Variants in MDGA2 observed in about 807,000 individuals in gnomAD.
The protein encoded by MDGA2 is MAM domain containing glycosylphosphatidylinositol anchor 2, also known as MAM domain-containing glycosylphosphatidylinositol anchor protein 2.
In MDGA2, 40 loss-of-function variants were observed where a neutral mutation model predicts 117.8. The ratio of observed to expected loss-of-function variants is 0.34; its 90% confidence interval spans 0.26 to 0.44. The LOEUF is 0.44. MDGA2 is among the 20% of genes least tolerant of loss of function. The probability of loss-of-function intolerance (pLI) is 1.00; values close to 1 mark genes in which losing one functional copy is unlikely to be tolerated. For synonymous variants in MDGA2, 452 were observed against 439.0 expected (o/e 1.03, Z -0.37); for missense variants, 1,123 against 1,250.6 (o/e 0.90, Z 1.54).
At chr14:47,484,029 G>A (rs893785791) in intron 1 of MDGA2, among the ~76,000 whole-genome samples, 4 of 152,024 alleles carry the variant, frequency 2.6e-5, no homozygotes, top group African/African-American at 9.7e-5. Flanking sequence ...AATAAGTTTT[G>A]TCTAATTAAT....
Position 47,604,313 on chromosome 14 carries a change from GTTTTTA to G in MDGA2, c.280+70198_280+70203del, listed in dbSNP as rs768186421. 3.4e-4 allele frequency among the ~76,000 whole-genome samples: 51 copies of G among 151,618 alleles called. 2 individuals are homozygous for G. The East Asian group carries it at 4.7e-3, about 14-fold the overall frequency. On this transcript the variant is annotated intron_variant, in intron 1 of 16. Coordinates refer to ENST00000399232, the MANE Select transcript of MDGA2 (RefSeq NM_001113498.3). ...ATCCCATGTTTATTATTTTTCTTTA[GTTTTTA>G]TTTTTATTTTTTTAAGAGATGGGGT...
chr14:47,355,332 G>T (rs1413696967), intron 1 of MDGA2, among the ~76,000 whole-genome samples: 1 of 152,150 alleles, frequency 6.6e-6, no homozygotes, highest in Non-Finnish European at 1.5e-5. Flanking sequence ...AACGCTGGAA[G>T]ATCTTTGGGT....
intron 3 of MDGA2, among the ~76,000 whole-genome samples, chr14:47,163,635 T>A (rs978814594): frequency 3.1e-4 from 47 of 152,170 alleles, no homozygotes; most frequent in African/African-American, 1.1e-3. Flanking sequence ...TTTTGTAAAT[T>A]GCCCTGTCTC....
intron 5 of MDGA2, among the ~76,000 whole-genome samples, chr14:47,124,080 C>A (rs1451217224): frequency 6.6e-6 from 1 of 151,914 alleles, no homozygotes; most frequent in Admixed American, 6.6e-5. Context: ...GTTCAGATAA[C>A]CTGGATTATT....
At chr14:47,201,470 T>A (rs934477936) in intron 3 of MDGA2, among the ~76,000 whole-genome samples, 16 of 152,172 alleles carry the variant, frequency 1.1e-4, no homozygotes, top group Non-Finnish European at 1.5e-4. Context: ...TCTTGCCTGG[T>A]GCACCTACTC....
At chr14:46,942,310 C>T (rs1885027497) in intron 9 of MDGA2, among the ~76,000 whole-genome samples, 1 of 152,160 alleles carries the variant, frequency 6.6e-6, no homozygotes, top group South Asian at 2.1e-4. Flanking sequence ...TATAACATTA[C>T]ATGGAACAAA....
chr14:47,015,534 T>G (rs562209150), intron 8 of MDGA2, among the ~76,000 whole-genome samples: 7 of 151,930 alleles, frequency 4.6e-5, no homozygotes, highest in Non-Finnish European at 8.8e-5. Flanking sequence ...AAAACTGAGC[T>G]ATCTATGGCT....
intron 1 of MDGA2, among the ~76,000 whole-genome samples, chr14:47,576,041 A>G (rs568003549): frequency 6.6e-6 from 1 of 152,152 alleles, no homozygotes; most frequent in African/African-American, 2.4e-5. Flanking sequence ...TTCCTCCTTA[A>G]CCCCAACTCC....
chr14:47,514,650 ATAAAG>A (rs1393628568), intron 1 of MDGA2, among the ~76,000 whole-genome samples: 1 of 152,172 alleles, frequency 6.6e-6, no homozygotes, highest in Non-Finnish European at 1.5e-5. Context: ...TTATACACAT[ATAAAG>A]TAAATTGTCC....
At chr14:46,976,676 G>T (rs1041744879) in intron 8 of MDGA2, among the ~76,000 whole-genome samples, 4 of 151,812 alleles carry the variant, frequency 2.6e-5, no homozygotes, top group Non-Finnish European at 5.9e-5. Flanking sequence ...AATTGAGTTT[G>T]CTGTCTTCAT....
intron 1 of MDGA2, among the ~76,000 whole-genome samples, chr14:47,661,746 C>CT (rs1172717995): frequency 0.21 from 20,339 of 96,606 alleles, 3,011 homozygotes; most frequent in African/African-American, 0.34. Flanking sequence ...ATCAGAGTTT[C>CT]TTTTTTTTTT....
chr14:46,941,954 T>C (rs973521593), intron 9 of MDGA2, among the ~76,000 whole-genome samples: 4 of 152,196 alleles, frequency 2.6e-5, no homozygotes, highest in East Asian at 3.9e-4. Flanking sequence ...CTTTCCATTA[T>C]TTTACACAGC....
At chr14:46,871,258 T>A (rs958757289) in intron 14 of MDGA2, 7 of 152,142 alleles carry the variant, frequency 4.6e-5, no homozygotes, top group Non-Finnish European at 5.9e-5. Context: ...TATCTCATTA[T>A]GCTTTTTGAT....
At chr14:47,333,184 T>G (rs992913499) in intron 1 of MDGA2, among the ~76,000 whole-genome samples, 4 of 151,938 alleles carry the variant, frequency 2.6e-5, no homozygotes, top group African/African-American at 9.7e-5. Flanking sequence ...GATTAAATGG[T>G]AGTTCTATTT....
At chr14:47,565,472 T>C (rs1566518239) in intron 1 of MDGA2, among the ~76,000 whole-genome samples, 1 of 152,158 alleles carries the variant, frequency 6.6e-6, no homozygotes, top group Non-Finnish European at 1.5e-5. Context: ...CCCCCAGCTT[T>C]GTTCTCTGGC....
chr14:47,231,782 T>C (rs1461931956), intron 2 of MDGA2, among the ~76,000 whole-genome samples: 1 of 150,528 alleles, frequency 6.6e-6, no homozygotes, highest in Non-Finnish European at 1.5e-5. Flanking sequence ...AGATGGAGAA[T>C]TCAAAAGTTA....
At chr14:47,541,958 C>A (rs2138757501) in intron 1 of MDGA2, among the ~76,000 whole-genome samples, 1 of 152,312 alleles carries the variant, frequency 6.6e-6, no homozygotes, top group Non-Finnish European at 1.5e-5. Flanking sequence ...TTACCACATA[C>A]TGTTCTGGAT....
intron 15 of MDGA2, 53 bp downstream of exon 15, chr14:46,854,971 T>A: frequency 6.9e-7 from 1 of 1,452,188 alleles, no homozygotes; most frequent in Non-Finnish European, 9.3e-7. Context: ...AAGATCCACC[T>A]TTAATATTAT....
chr14:47,366,187 T>G (rs373005619), intron 1 of MDGA2, among the ~76,000 whole-genome samples: 2 of 152,304 alleles, frequency 1.3e-5, no homozygotes, highest in East Asian at 3.9e-4. Context: ...GATGGAGGGC[T>G]TTGGACTTTT....
Sources: allele counts gnomAD v4.1 joint callset (sites outside exome capture counted in the v4.1 genomes callset), GRCh38; gene constraint gnomAD v4.1.1; transcripts MANE v1.5; gene names NCBI Gene and HGNC (gene_info 2026-07-23, HGNC 2026-07-21).